B3GAT2: variants seen among roughly 807,000 people sequenced by gnomAD.
The protein encoded by B3GAT2 is beta-1,3-glucuronyltransferase 2.
A neutral mutation model predicts 27.8 loss-of-function variants in B3GAT2; 26 were observed. The ratio of observed to expected loss-of-function variants is 0.93; its 90% CI spans 0.68 to 1.30. The LOEUF (loss-of-function observed/expected upper bound fraction) is 1.30. Ranked by LOEUF, B3GAT2 falls within the 50% of genes most tolerant of loss-of-function variation. B3GAT2 has a pLI of 0.00. For missense variants in B3GAT2, 458 were observed against 459.0 expected (o/e 1.00, Z 0.02); for synonymous variants, 218 against 195.1 (o/e 1.12, Z -0.98).
Position 70,858,989 on chromosome 6 carries a change from A to G in B3GAT2, c.*2674T>C, listed in dbSNP as rs1001456906. 1.7e-5 allele frequency: 3 copies of G among 174,842 alleles called. No individual in the cohort carries two copies. Among genetic ancestry groups the G allele is most frequent in the Non-Finnish European group, 3.6e-5 (3 of 82,750 alleles). 10.8% of individuals were successfully genotyped at this position (174,842 alleles called of 1,614,324 possible). A position where few individuals can be genotyped will look rare whatever the true frequency, so the allele number is the denominator to read the frequency against. On this transcript the variant is annotated 3_prime_UTR_variant, in exon 4 of 4. Transcript: ENST00000230053. ...GCTGCACAGACAAAGGCTCTTAGAG[A>G]GGTTCATGCTCCCACTCTTCTTCCT...
chr6:70,956,197 T>G lies in B3GAT2; in HGVS notation c.233A>C (p.Gln78Pro). 1 of 1,611,920 alleles carries G rather than the reference T, an allele frequency of 6.2e-7. No individual in the cohort carries two copies. ...CGTGATGGCATAGATGGTGGGCAGC[T>G]GCGGCTCCGGCTGTGGCTGCGGCCG... Reference protein sequence around the residue: ...QSRPQPQPEPQLPTIYAITPT... With the variant: ...QSRPQPQPEPPLPTIYAITPT... Residue 78 changes from glutamine to proline, a missense_variant, in exon 1 of 4, where the codon CAG (glutamine) becomes CCG (proline). Coordinates refer to ENST00000230053, the MANE Select transcript of B3GAT2 (RefSeq NM_080742.3).
intron 2 of B3GAT2, among the ~76,000 whole-genome samples, chr6:70,878,826 A>C (rs900921274): frequency 1.3e-5 from 2 of 152,038 alleles, no homozygotes; most frequent in Admixed American, 6.6e-5. Context: ...TAAGGAACTG[A>C]TATTTCTCTT....
chr6:70,956,934 C>T lies in B3GAT2; in HGVS notation c.-505G>A, dbSNP rs1475793386. 4.9e-6 allele frequency: 5 copies of T among 1,010,166 alleles called. No homozygotes were observed. The highest frequency in any genetic ancestry group is 4.7e-6 in the Non-Finnish European group (4 of 846,790). 62.6% of individuals were successfully genotyped at this position (1,010,166 alleles called of 1,614,324 possible). A position where few individuals can be genotyped will look rare whatever the true frequency, so the allele number is the denominator to read the frequency against. On this transcript the variant is annotated 5_prime_UTR_variant, in exon 1 of 4. Transcript: ENST00000230053. ...TGGGGGCTTTCCTTCCTCACATTCC[C>T]GCCGGGGTGGCGAGGAGCGGGTGGA...
chr6:70,927,176 GA>G (rs1772976790), intron 1 of B3GAT2, among the ~76,000 whole-genome samples: 1 of 152,128 alleles, frequency 6.6e-6, no homozygotes, highest in African/African-American at 2.4e-5. Flanking sequence ...CCTGAAGGAA[GA>G]ACTAAACATG....
intron 1 of B3GAT2, among the ~76,000 whole-genome samples, chr6:70,936,499 G>A (rs1259501673): frequency 4.6e-5 from 7 of 151,968 alleles, no homozygotes; most frequent in Admixed American, 3.9e-4. Flanking sequence ...CCACATAGTT[G>A]GAAGTAAAGC....
At chr6:70,891,417 T>C (rs937958610) in intron 2 of B3GAT2, among the ~76,000 whole-genome samples, 5 of 152,210 alleles carry the variant, frequency 3.3e-5, no homozygotes, top group African/African-American at 1.2e-4. Flanking sequence ...AAGAACAATG[T>C]TTCATGTCAC....
chr6:70,914,278 C>T lies in B3GAT2; in HGVS notation c.592-20006G>A, dbSNP rs150354983. 1.6e-4 allele frequency among the ~76,000 whole-genome samples: 25 copies of T among 152,238 alleles called. 1 individual carries two copies. The highest frequency in any genetic ancestry group is 6.0e-4 in the African/African-American group (25 of 41,532). ...GGTATTTCTCCTAACACTACCTCTC[C>T]CCCAGTCCCCCACCCTCTGACAGGC... On this transcript the variant is annotated intron_variant, in intron 1 of 3. Transcript: ENST00000230053.
intron 1 of B3GAT2, among the ~76,000 whole-genome samples, chr6:70,931,195 G>A (rs1026535257): frequency 6.6e-6 from 1 of 152,082 alleles, no homozygotes; most frequent in African/African-American, 2.4e-5. Flanking sequence ...GGGTTGGGGG[G>A]AGGGGGAAGG....
chr6:70,949,551 A>G (rs1397676425), intron 1 of B3GAT2, among the ~76,000 whole-genome samples: 7 of 144,234 alleles, frequency 4.9e-5, no homozygotes, highest in Non-Finnish European at 1.1e-4. Flanking sequence ...AAGTCAGGAA[A>G]CAACAGGTGC....
chr6:70,884,791 C>T (rs970683018), intron 2 of B3GAT2, among the ~76,000 whole-genome samples: 4 of 152,322 alleles, frequency 2.6e-5, no homozygotes, highest in Admixed American at 2.6e-4. Flanking sequence ...TCAGGCCCAT[C>T]AGCTTAGGGC....
At chr6:70,924,049 G>A (rs1772913790) in intron 1 of B3GAT2, among the ~76,000 whole-genome samples, 1 of 152,088 alleles carries the variant, frequency 6.6e-6, no homozygotes, top group Non-Finnish European at 1.5e-5. Context: ...TTATTTGAGT[G>A]ATGGATACCA....
chr6:70,937,669 A>C (rs995236254), intron 1 of B3GAT2, among the ~76,000 whole-genome samples: 96 of 151,960 alleles, frequency 6.3e-4, no homozygotes, highest in African/African-American at 2.1e-3. Flanking sequence ...TTATCTCAAT[A>C]GATGCAGAAA....
intron 1 of B3GAT2, among the ~76,000 whole-genome samples, chr6:70,950,784 CAGGGTGTTATGA>C (rs1765567460): frequency 6.6e-6 from 1 of 152,184 alleles, no homozygotes; most frequent in Non-Finnish European, 1.5e-5. Flanking sequence ...TTACCTACCT[CAGGGTGTTATGA>C]AGATTAAATA....
chr6:70,861,618 T>C lies in B3GAT2; in HGVS notation c.*45A>G, dbSNP rs766140024. On this transcript the variant is annotated 3_prime_UTR_variant, in exon 4 of 4. Coordinates refer to ENST00000230053, the MANE Select transcript of B3GAT2 (RefSeq NM_080742.3). ...CCTAAACTCCAAACATCCTCTTCCA[T>C]ATGGATCCACTGGCTGGACAAACTG... 3.9e-6 allele frequency: 6 copies of C among 1,557,044 alleles called. No individual in the cohort carries two copies. In the African/African-American group the frequency reaches 5.4e-5, roughly 14 times the overall value.
Position 70,857,734 on chromosome 6 carries a change from G to C in B3GAT2, c.*3929C>G. The C allele has an allele frequency of 1.7e-6, 1 of 596,960 alleles. No homozygotes were observed. Among genetic ancestry groups the C allele is most frequent in the East Asian group, 2.8e-5 (1 of 35,674 alleles). 37.0% of individuals were successfully genotyped at this position (596,960 alleles called of 1,614,324 possible). ...ATTTACTCAGGTTAATAACTGATTT[G>C]TCTGCATCCTAGAAACAACCAGCTC... On this transcript the variant is annotated 3_prime_UTR_variant, in exon 4 of 4. Coordinates refer to ENST00000230053, the MANE Select transcript of B3GAT2 (RefSeq NM_080742.3).
At position 70,861,601 on chromosome 6, in the gene B3GAT2, C is replaced by G. The variant is rs1771730391; in HGVS notation, c.*62G>C. 2 of 1,489,884 alleles carry G rather than the reference C, an allele frequency of 1.3e-6. No individual in the cohort carries two copies. The highest frequency in any genetic ancestry group is 1.2e-5 in the South Asian group (1 of 83,916). The allele number at this position is 1,489,884 out of a possible 1,614,324, so 92.3% of individuals were successfully genotyped here. ...ACCTGAATGCTCTGTAGCCTAAACTCCAAACATCCTCTTCCATATGGATCC... is the reference window on the plus strand; with the variant it reads ...ACCTGAATGCTCTGTAGCCTAAACTGCAAACATCCTCTTCCATATGGATCC... On this transcript the variant is annotated 3_prime_UTR_variant, in exon 4 of 4. Transcript: ENST00000230053.
intron 2 of B3GAT2, among the ~76,000 whole-genome samples, chr6:70,884,980 A>C (rs1772160766): frequency 6.6e-6 from 1 of 152,242 alleles, no homozygotes; most frequent in Non-Finnish European, 1.5e-5. Context: ...AACAACCTGC[A>C]TGCCAAAGAG....
At chr6:70,913,249 T>C (rs1049839867) in intron 1 of B3GAT2, among the ~76,000 whole-genome samples, 2 of 152,178 alleles carry the variant, frequency 1.3e-5, no homozygotes, top group African/African-American at 4.8e-5. Flanking sequence ...CTAGGTGCAA[T>C]GTTAGGCTGT....
chr6:70,893,176 A>G lies in B3GAT2; in HGVS notation c.736+952T>C, dbSNP rs574725620. On this transcript the variant is annotated intron_variant, in intron 2 of 3. Coordinates refer to ENST00000230053, the MANE Select transcript of B3GAT2 (RefSeq NM_080742.3). ...GTATTCTTCGTCCTCTGGCTCCCTCAGATTTATAGTATTGTCAGAATAAAA... is the reference window on the plus strand; with the variant it reads ...GTATTCTTCGTCCTCTGGCTCCCTCGGATTTATAGTATTGTCAGAATAAAA... 2.0e-5 allele frequency among the ~76,000 whole-genome samples: 3 copies of G among 152,250 alleles called. No individual in the cohort carries two copies. In the South Asian group the frequency reaches 6.2e-4, roughly 32 times the overall value.
Sources: allele counts gnomAD v4.1 joint callset (sites outside exome capture counted in the v4.1 genomes callset), GRCh38; gene constraint gnomAD v4.1.1; transcripts MANE v1.5; gene names NCBI Gene and HGNC (gene_info 2026-07-23, HGNC 2026-07-21).